Variants in RFX2 observed in about 807,000 individuals in gnomAD.
RFX2 encodes regulatory factor X2, also known as DNA-binding protein RFX2.
RFX2 carries 20 observed loss-of-function variants against 87.8 expected under a neutral mutation model. The observed-to-expected ratio is 0.23, with a 90% CI of 0.16 to 0.33. RFX2 has a LOEUF of 0.33. Among genes scored for constraint, RFX2 ranks in the 10% least tolerant of loss-of-function variants. The probability of loss-of-function intolerance (pLI) is 1.00; values close to 1 mark genes in which losing one functional copy is unlikely to be tolerated. For synonymous variants in RFX2, 397 were observed against 431.3 expected, an observed-to-expected ratio of 0.92 and a Z score of 0.98; for missense variants, 767 against 1,012.3, an observed-to-expected ratio of 0.76 and a Z score of 3.29.
Position 6,010,241 on chromosome 19 carries a change from C to A in RFX2, c.910G>T (p.Ala304Ser). The A allele has an allele frequency of 6.5e-7, 1 of 1,546,860 alleles. No individual in the cohort carries two copies. The highest frequency in any genetic ancestry group is 8.7e-7 in the Non-Finnish European group (1 of 1,146,580). ...TCCCCGAGGCTGTCCGTCTTCTGGGCTGGCCGGTACCTAGGCCAGGAACAC... is the reference window on the plus strand; with the variant it reads ...TCCCCGAGGCTGTCCGTCTTCTGGGATGGCCGGTACCTAGGCCAGGAACAC... ...PMHQKPRYRP[A>S]QKTDSLGDSG... The change falls in exon 9 of 18, where the codon GCC becomes TCC. Residue 304 changes from alanine (A) to serine (S), a missense_variant. Ala to Ser is a moderately conservative substitution (Grantham distance 99). Around this residue, in one of 2 missense-constraint regions of RFX2, gnomAD observed 621 missense variants for 873.0 expected, o/e 0.71. Transcript: ENST00000303657. This position sits in a 1 kb window ranked among gnomAD's most constrained non-coding sequence, Gnocchi z 5.0.
rs1599836223 is a variant in RFX2 at position 5,999,592 on chromosome 19, A to T, written c.1859+2223T>A. Among the ~76,000 whole-genome samples the T allele has an allele frequency of 6.6e-6, 1 of 152,078 alleles. No homozygotes were observed. Among genetic ancestry groups the T allele is most frequent in the East Asian group, 1.9e-4 (1 of 5,196 alleles). On this transcript the variant is annotated intron_variant, in intron 15 of 17. Transcript: ENST00000303657. This position sits in a 1 kb window ranked among gnomAD's most constrained non-coding sequence, Gnocchi z 4.1. ...TGCTAGGTCCATGGCAGAGCCGCAT[A>T]GTCTATTAGGCGTGTGGTTCCTCTC...
At position 6,063,892 on chromosome 19, in the gene RFX2, C is replaced by G. The variant is rs1201986729; in HGVS notation, c.-8-16388G>C. 6.6e-6 allele frequency among the ~76,000 whole-genome samples: 1 copy of G among 152,194 alleles called. No homozygotes were observed. Among genetic ancestry groups the G allele is most frequent in the Non-Finnish European group, 1.5e-5 (1 of 68,026 alleles). ...CAGTGTCCCCTGGGGGCAGGACCAC[C>G]CCCATGGAGAACCACACGTCTAAGG... On this transcript the variant is annotated intron_variant, in intron 1 of 17. Coordinates refer to ENST00000303657, the MANE Select transcript of RFX2 (RefSeq NM_000635.4). This position sits in a 1 kb window ranked among gnomAD's most constrained non-coding sequence, Gnocchi z 4.0.
Position 6,007,923 on chromosome 19 carries a change from G to T in RFX2, c.1135-121C>A. The T allele has an allele frequency of 2.5e-6, 2 of 815,778 alleles. No individual in the cohort carries two copies. The highest frequency in any genetic ancestry group is 1.5e-5 in the South Asian group (1 of 65,418). The allele number at this position is 815,778 out of a possible 1,614,324, so 50.5% of individuals were successfully genotyped here. A position where few individuals can be genotyped will look rare whatever the true frequency, so the allele number is the denominator to read the frequency against. On this transcript the variant is annotated intron_variant, in intron 10 of 17. Coordinates refer to ENST00000303657, the MANE Select transcript of RFX2 (RefSeq NM_000635.4). The surrounding 1 kb of genome is among the most constrained non-coding windows in gnomAD (Gnocchi z 8.2). ...GGGGTGCCCTGGAATCCCAAGGGAG[G>T]CCACAGAGAGGAGAGGAGCAGGCGA...
rs1456204390 is a variant in RFX2, at chr19:6,101,885, C to G, written c.-9+8508G>C. Among the ~76,000 whole-genome samples, 1 of 152,188 alleles carries G rather than the reference C, an allele frequency of 6.6e-6. No individual in the cohort carries two copies. Among genetic ancestry groups the G allele is most frequent in the East Asian group, 1.9e-4 (1 of 5,200 alleles). On this transcript the variant is annotated intron_variant, in intron 1 of 17. Coordinates refer to ENST00000303657, the MANE Select transcript of RFX2 (RefSeq NM_000635.4). The surrounding 1 kb of genome is among the most constrained non-coding windows in gnomAD (Gnocchi z 4.9). ...CAATAGCTGTAAGGTGGAAACCACC[C>G]AAGTGTTCATCCATGGATGAATGGG...
chr19:6,010,389 A>G lies in RFX2; in HGVS notation c.900-138T>C. 1.6e-6 allele frequency: 1 copy of G among 631,010 alleles called. No homozygotes were observed. Among genetic ancestry groups the G allele is most frequent in the Non-Finnish European group, 2.9e-6 (1 of 347,712 alleles). The allele number at this position is 631,010 out of a possible 1,614,324, so 39.1% of individuals were successfully genotyped here. On this transcript the variant is annotated intron_variant, in intron 8 of 17. Coordinates refer to ENST00000303657, the MANE Select transcript of RFX2 (RefSeq NM_000635.4). This position sits in a 1 kb window ranked among gnomAD's most constrained non-coding sequence, Gnocchi z 5.0. Reference sequence around the variant, plus strand: ...AGTTGCGGTCAAATACACATAACACAAAAGCTACCATCGGAACCATCTTGA... The same window carrying G: ...AGTTGCGGTCAAATACACATAACACGAAAGCTACCATCGGAACCATCTTGA...
At chr19:6,008,570 G>A (rs972241061) in intron 9 of RFX2, among the ~76,000 whole-genome samples, 8 of 151,554 alleles carry the variant, frequency 5.3e-5, no homozygotes, top group South Asian at 4.2e-4. Flanking sequence ...ACAGGATTTC[G>A]CCTTGTTTTG....
Position 6,001,609 on chromosome 19 carries a change from G to A in RFX2, c.1859+206C>T, listed in dbSNP as rs1191101705. Reference sequence around the variant, plus strand: ...CTTGCAACTTAGTATTTAGGCCACGGTGGCCTTCTGGGCCTGCCCCTGGGA... The same window carrying A: ...CTTGCAACTTAGTATTTAGGCCACGATGGCCTTCTGGGCCTGCCCCTGGGA... On this transcript the variant is annotated intron_variant, in intron 15 of 17. Coordinates refer to ENST00000303657, the MANE Select transcript of RFX2 (RefSeq NM_000635.4). This position sits in a 1 kb window ranked among gnomAD's most constrained non-coding sequence, Gnocchi z 5.6. 2.0e-5 allele frequency among the ~76,000 whole-genome samples: 3 copies of A among 152,176 alleles called. No individual in the cohort carries two copies. The highest frequency in any genetic ancestry group is 2.9e-5 in the Non-Finnish European group (2 of 68,028).
At chr19:6,038,222 G>T (rs989260972) in intron 5 of RFX2, among the ~76,000 whole-genome samples, 2 of 149,390 alleles carry the variant, frequency 1.3e-5, no homozygotes, top group Non-Finnish European at 1.5e-5. Flanking sequence ...AGCTACTCGG[G>T]AGGCTGAGGC....
rs1480922914 is a variant in RFX2, at chr19:6,023,435, C to G, written c.597+2728G>C. Among the ~76,000 whole-genome samples the G allele has an allele frequency of 6.6e-6, 1 of 152,258 alleles. No individual in the cohort carries two copies. Among genetic ancestry groups the G allele is most frequent in the Admixed American group, 6.5e-5 (1 of 15,290 alleles). On this transcript the variant is annotated intron_variant, in intron 6 of 17. Transcript: ENST00000303657. This position sits in a 1 kb window ranked among gnomAD's most constrained non-coding sequence, Gnocchi z 4.9. ...ACCCCGTCCATCAGCAGATCACGTG[C>G]TTTAACTCCTCTCTTCCTCTCTGGC...
intron 1 of RFX2, among the ~76,000 whole-genome samples, chr19:6,106,621 G>A (rs2088221275): frequency 6.6e-6 from 1 of 152,088 alleles, no homozygotes; most frequent in South Asian, 2.1e-4. Context: ...TAGTTTCAGA[G>A]ACAGGCCCAC....
rs897745849 is a variant in RFX2 at position 6,066,250 on chromosome 19, G to A, written c.-8-18746C>T. Among the ~76,000 whole-genome samples, 4 of 152,242 alleles carry A rather than the reference G, an allele frequency of 2.6e-5. No homozygotes were observed. In the South Asian group the frequency reaches 8.3e-4, roughly 32 times the overall value. On this transcript the variant is annotated intron_variant, in intron 1 of 17. Coordinates refer to ENST00000303657, the MANE Select transcript of RFX2 (RefSeq NM_000635.4). ...ACATACACATCCCACTGAGGGCCAC[G>A]GGTGGACCCAACTTCTTAACAGGAA...
chr19:6,038,508 T>G (rs1166004412), intron 5 of RFX2, among the ~76,000 whole-genome samples: 1 of 152,002 alleles, frequency 6.6e-6, no homozygotes, highest in Admixed American at 6.6e-5. Context: ...TAAAATTTTT[T>G]TTTTCTCTGC....
chr19:6,058,437 A>C (rs1392891442), intron 1 of RFX2, among the ~76,000 whole-genome samples: 1 of 152,168 alleles, frequency 6.6e-6, no homozygotes, highest in Non-Finnish European at 1.5e-5. Flanking sequence ...CAGGATGCAA[A>C]ATCATGACAA....
chr19:6,087,370 G>C (rs963208839), intron 1 of RFX2, among the ~76,000 whole-genome samples: 15 of 152,190 alleles, frequency 9.9e-5, no homozygotes, highest in African/African-American at 3.6e-4. Flanking sequence ...AGAACACTTA[G>C]GAGATAATTA....
rs2086556249 is a variant in RFX2 at position 6,004,817 on chromosome 19, A to G, written c.1403-519T>C. On this transcript the variant is annotated intron_variant, in intron 12 of 17. Coordinates refer to ENST00000303657, the MANE Select transcript of RFX2 (RefSeq NM_000635.4). The surrounding 1 kb of genome is among the most constrained non-coding windows in gnomAD (Gnocchi z 4.8). ...CAGACTGTTAAAAAAAAAAAAAACC[A>G]AAAAACAAAAACAGAAAAAGGCCAG... Among the ~76,000 whole-genome samples, 1 of 151,894 alleles carries G rather than the reference A, an allele frequency of 6.6e-6. No homozygotes were observed. Among genetic ancestry groups the G allele is most frequent in the Admixed American group, 6.6e-5 (1 of 15,228 alleles).
rs73541937 is a variant in RFX2 at position 6,056,712 on chromosome 19, G to A, written c.-8-9208C>T. On this transcript the variant is annotated intron_variant, in intron 1 of 17. Transcript: ENST00000303657. This position sits in a 1 kb window ranked among gnomAD's most constrained non-coding sequence, Gnocchi z 4.6. The stretch of plus-strand genomic sequence containing the variant: ...AACCTGAATCTGCTGTGGGAACTTG[G>A]ACCCATTCAGTGACTGCCCTGCCGT... Among the ~76,000 whole-genome samples the A allele has an allele frequency of 0.014, 2,058 of 152,290 alleles. 41 individuals are homozygous for A. Among genetic ancestry groups the A allele is most frequent in the African/African-American group, 0.047 (1,946 of 41,540 alleles).
chr19:6,013,381 T>C lies in RFX2; in HGVS notation c.780-276A>G, dbSNP rs1235273742. Among the ~76,000 whole-genome samples the C allele has an allele frequency of 6.6e-6, 1 of 151,974 alleles. No individual in the cohort carries two copies. Among genetic ancestry groups the C allele is most frequent in the African/African-American group, 2.4e-5 (1 of 41,382 alleles). On this transcript the variant is annotated intron_variant, in intron 7 of 17. Transcript: ENST00000303657. The surrounding 1 kb of genome is among the most constrained non-coding windows in gnomAD (Gnocchi z 4.1). ...TTGTATTTTTAGTGGAGACGGGGTT[T>C]TGCCATGTTGGCCAGGCTGGTCTCA...
chr19:6,071,919 GT>G (rs1204987732), intron 1 of RFX2: 1 of 152,126 alleles, frequency 6.6e-6, no homozygotes. Context: ...TTTGAGAGGG[GT>G]TTTCATTTTT....
chr19:5,996,914 G>T, intron 16 of RFX2, 146 bp downstream of exon 16: 3 of 833,788 alleles, frequency 3.6e-6, no homozygotes, highest in Non-Finnish European at 5.4e-6. Flanking sequence ...CGTTTCTGTG[G>T]CTTGTTCTTT....
Sources: allele counts gnomAD v4.1 joint callset (sites outside exome capture counted in the v4.1 genomes callset), GRCh38; gene constraint gnomAD v4.1.1; regional missense constraint gnomAD v4.1.1; non-coding constraint Gnocchi (gnomAD v3.1); transcripts MANE v1.5; gene names NCBI Gene and HGNC (gene_info 2026-07-23, HGNC 2026-07-21).